GRIK5: variants seen among roughly 807,000 people sequenced by gnomAD.
GRIK5 encodes glutamate ionotropic receptor kainate type subunit 5, also known as glutamate receptor ionotropic, kainate 5.
Under a neutral mutation model 97.4 loss-of-function variants are expected in GRIK5, and 43 were observed. That is an observed-to-expected ratio of 0.44 (90% confidence interval 0.35 to 0.57). GRIK5 has a LOEUF of 0.57. Among genes scored for constraint, GRIK5 ranks in the 20% least tolerant of loss-of-function variants. GRIK5 has a pLI of 0.01. For synonymous variants in GRIK5, 580 were observed against 583.5 expected (o/e 0.99, Z 0.09); for missense variants, 1,015 against 1,382.0 (o/e 0.73, Z 4.21).
At chr19:42,023,189 G>T (rs1474093503) in intron 12 of GRIK5, among the ~76,000 whole-genome samples, 3 of 151,932 alleles carry the variant, frequency 2.0e-5, no homozygotes, top group Admixed American at 2.0e-4. Context: ...CAGAGAGGGA[G>T]ATGGCGCAGG....
At chr19:42,000,703 CA>C (rs2075416766) in intron 19 of GRIK5, among the ~76,000 whole-genome samples, 1 of 152,176 alleles carries the variant, frequency 6.6e-6, no homozygotes, top group South Asian at 2.1e-4. Context: ...GACACTGTGT[CA>C]GAGCTGGTCT....
Position 42,065,223 on chromosome 19 carries a change from T to C in GRIK5, c.244A>G (p.Met82Val). Reference sequence around the variant, plus strand: ...CCCACGCCCCCATGGCCCCGCTCACTGGTGTCCGTGGTCTCGTACTGGCTG... The same window carrying C: ...CCCACGCCCCCATGGCCCCGCTCACCGGTGTCCGTGGTCTCGTACTGGCTG... ...RDSQYETTDT[M>V]CQILPKGVVS... Residue 82 changes from methionine (M) to valine (V), a missense_variant and splice_region_variant, in exon 3 of 20, where the codon ATG becomes GTG. This residue lies in a region of GRIK5 where 198 missense variants were observed against 218.2 expected (regional missense o/e 0.91). Coordinates refer to ENST00000593562, the MANE Select transcript of GRIK5 (RefSeq NM_002088.5). The surrounding 1 kb of genome is among the most constrained non-coding windows in gnomAD (Gnocchi z 5.8). 6.2e-7 allele frequency: 1 copy of C among 1,608,620 alleles called. No homozygotes were observed. Among genetic ancestry groups the C allele is most frequent in the Non-Finnish European group, 8.5e-7 (1 of 1,176,652 alleles).
intron 1 of GRIK5, chr19:42,068,941 C>T (rs1161027361): frequency 1.9e-5 from 12 of 632,972 alleles, no homozygotes; most frequent in South Asian, 3.5e-5. Context: ...AGCAGGGGCA[C>T]GGACATGCCA....
At chr19:42,041,165 A>G (rs1364326506) in intron 12 of GRIK5, among the ~76,000 whole-genome samples, 1 of 152,180 alleles carries the variant, frequency 6.6e-6, no homozygotes, top group African/African-American at 2.4e-5. Context: ...TGGCCCTCTC[A>G]TGTCTTCCCT....
chr19:42,049,728 C>T (rs1390451146), intron 11 of GRIK5, among the ~76,000 whole-genome samples: 2 of 152,096 alleles, frequency 1.3e-5, no homozygotes, highest in Admixed American at 6.5e-5. Flanking sequence ...GATTTGTGCA[C>T]ATTTCTGTAT....
At chr19:42,041,493 A>T in intron 12 of GRIK5, among the ~76,000 whole-genome samples, 1 of 152,106 alleles carries the variant, frequency 6.6e-6, no homozygotes, top group Non-Finnish European at 1.5e-5. Flanking sequence ...CTCACTATAG[A>T]CCTGCAAGGT....
At chr19:42,033,204 G>T (rs530617866) in intron 12 of GRIK5, among the ~76,000 whole-genome samples, 5 of 151,022 alleles carry the variant, frequency 3.3e-5, no homozygotes, top group Non-Finnish European at 7.4e-5. Flanking sequence ...CGTAGTCCCA[G>T]TTACTCAGGA....
intron 6 of GRIK5, 123 bp downstream of exon 6, chr19:42,059,226 A>T: frequency 1.4e-6 from 1 of 716,656 alleles, no homozygotes. Flanking sequence ...TATCATCTTC[A>T]CGGAAGAAGA....
At chr19:42,052,145 A>G (rs1461055658) in intron 11 of GRIK5, among the ~76,000 whole-genome samples, 1 of 152,202 alleles carries the variant, frequency 6.6e-6, no homozygotes, top group Non-Finnish European at 1.5e-5. Flanking sequence ...CCATCAAGAG[A>G]TAGGTGAACA....
In GRIK5 at chr19:42,032,153, G is replaced by A. The variant is rs543460000; in HGVS notation, c.1474-9799C>T. 5.3e-5 allele frequency among the ~76,000 whole-genome samples: 8 copies of A among 152,252 alleles called. No individual in the cohort carries two copies. The South Asian group carries it at 1.4e-3, about 28-fold the overall frequency. On this transcript the variant is annotated intron_variant, in intron 12 of 19. Transcript: ENST00000593562. ...GATGTTTGTTAATGATTATTTATAA[G>A]AGCACAAACAATAAAAACACCTGGA... is the stretch of plus-strand genomic sequence containing the variant.
chr19:42,054,267 C>T, intron 9 of GRIK5, 53 bp downstream of exon 9: 1 of 1,564,128 alleles, frequency 6.4e-7, no homozygotes, highest in South Asian at 1.2e-5. Flanking sequence ...GTGAGCGCTC[C>T]CACCTGAGGT....
chr19:41,999,334 A>C lies in GRIK5; in HGVS notation c.2515-35T>G. On this transcript the variant is annotated intron_variant, in intron 19 of 19. Transcript: ENST00000593562. The surrounding 1 kb of genome is among the most constrained non-coding windows in gnomAD (Gnocchi z 5.0). ...GCGCGGGCGGTCACCGTCCCGGCGCAGTCCGCCTCCCGCCTCCCCCAGCCC... is the reference window on the plus strand; with the variant it reads ...GCGCGGGCGGTCACCGTCCCGGCGCCGTCCGCCTCCCGCCTCCCCCAGCCC... 6.8e-7 allele frequency: 1 copy of C among 1,468,552 alleles called. No individual in the cohort carries two copies. Among genetic ancestry groups the C allele is most frequent in the South Asian group, 1.3e-5 (1 of 78,520 alleles). The allele number at this position is 1,468,552 out of a possible 1,614,324, so 91.0% of individuals were successfully genotyped here.
chr19:42,017,687 C>A (rs1416303921), intron 15 of GRIK5, among the ~76,000 whole-genome samples: 2 of 152,152 alleles, frequency 1.3e-5, no homozygotes, highest in Admixed American at 1.3e-4. Flanking sequence ...CGGGCGAATG[C>A]TGCCTGGAGG....
intron 11 of GRIK5, among the ~76,000 whole-genome samples, chr19:42,050,910 ACCTT>A (rs2076106872): frequency 6.6e-6 from 1 of 152,030 alleles, no homozygotes; most frequent in Non-Finnish European, 1.5e-5. Context: ...TCTCACACGT[ACCTT>A]GGGCACTGCA....
rs782551043 is a variant in GRIK5, at chr19:42,005,858, C to G, written c.2128G>C (p.Ala710Pro). ...GCGTAGCGGGAGTTGAGGACGCGGG[C>G]AATGCCCTCTTCTGTGCTCTTGACG... ...VFVKSTEEGI[A>P]RVLNSRYAFL... Residue 710 changes from alanine (A) to proline (P), a missense_variant, in exon 17 of 20, where the codon GCC (alanine) becomes CCC (proline). Coordinates refer to ENST00000593562, the MANE Select transcript of GRIK5 (RefSeq NM_002088.5). 6.2e-7 allele frequency: 1 copy of G among 1,612,030 alleles called. No individual in the cohort carries two copies. The highest frequency in any genetic ancestry group is 8.5e-7 in the Non-Finnish European group (1 of 1,178,224).
chr19:42,018,248 C>T (rs1471722258), intron 15 of GRIK5, among the ~76,000 whole-genome samples: 1 of 150,464 alleles, frequency 6.6e-6, no homozygotes, highest in Admixed American at 6.6e-5. Context: ...GGTGTGGACC[C>T]GGGAGGTGGA....
chr19:42,038,840 T>C (rs955861129), intron 12 of GRIK5, among the ~76,000 whole-genome samples: 1 of 152,330 alleles, frequency 6.6e-6, no homozygotes, highest in South Asian at 2.1e-4. Flanking sequence ...ACTATTCCTG[T>C]GCAGCTCGGC....
At chr19:42,012,246 GTATGTATGTATT>G (rs1350314341) in intron 15 of GRIK5, among the ~76,000 whole-genome samples, 36 of 151,968 alleles carry the variant, frequency 2.4e-4, no homozygotes, top group African/African-American at 8.4e-4. Context: ...ATGTATGTAT[GTATGTATGTATT>G]TATTTATTTG....
chr19:42,057,048 A>C, intron 6 of GRIK5, 70 bp from the exon 7 acceptor site: 1 of 1,132,430 alleles, frequency 8.8e-7, no homozygotes, highest in Non-Finnish European at 1.3e-6. Flanking sequence ...GGGAGGACTC[A>C]AGAGAAGAAG....
Sources: gnomAD v4.1 joint callset for allele counts (sites outside exome capture counted in the v4.1 genomes callset) on GRCh38, gnomAD v4.1.1 for gene constraint, gnomAD v4.1.1 regional missense constraint, Gnocchi (gnomAD v3.1) non-coding constraint, MANE v1.5 for transcripts, NCBI Gene and HGNC (gene_info 2026-07-23, HGNC 2026-07-21) for gene names.